Variants in ZSCAN25 observed in about 807,000 individuals in gnomAD.
The protein encoded by ZSCAN25 is zinc finger and SCAN domain containing 25, also known as zinc finger and SCAN domain-containing protein 25.
A neutral mutation model predicts 38.7 loss-of-function variants in ZSCAN25; 27 were observed. The ratio of observed to expected loss-of-function variants is 0.70; its 90% confidence interval spans 0.51 to 0.96. The LOEUF is 0.96. ZSCAN25 is among the 40% of genes least tolerant of loss of function. ZSCAN25 has a pLI of 0.00. For synonymous variants in ZSCAN25, 273 were observed against 277.7 expected (o/e 0.98, Z 0.17); for missense variants, 637 against 705.9 (o/e 0.90, Z 1.11).
chr7:99,722,494 G>A, the ZSCAN25 span: 627 of 1,011,100 alleles, frequency 6.2e-4, 16 homozygotes, highest in South Asian at 9.7e-3. Context: ...ATAAGAGAAA[G>A]GAAACAAAAT....
Position 99,630,908 on chromosome 7 carries a change from T to C in ZSCAN25, c.*888T>C, listed in dbSNP as rs1807950341. Reference sequence around the variant, plus strand: ...ATTAAAATGAGTCTGAAAGATGAACTCTAGTATTAATGCCCTATATTTGAT... The same window carrying C: ...ATTAAAATGAGTCTGAAAGATGAACCCTAGTATTAATGCCCTATATTTGAT... On this transcript the variant is annotated 3_prime_UTR_variant, in exon 8 of 8. Coordinates refer to ENST00000394152, the MANE Select transcript of ZSCAN25 (RefSeq NM_145115.3). 1 of 979,646 alleles carries C rather than the reference T, an allele frequency of 1.0e-6. No homozygotes were observed. The highest frequency in any genetic ancestry group is 1.8e-5 in the African/African-American group (1 of 57,122). The allele number at this position is 979,646 out of a possible 1,614,324, so 60.7% of individuals were successfully genotyped here. A position where few individuals can be genotyped will look rare whatever the true frequency, so the allele number is the denominator to read the frequency against.
the ZSCAN25 span, among the ~76,000 whole-genome samples, chr7:99,688,951 G>T: frequency 2.0e-5 from 3 of 152,158 alleles, no homozygotes; most frequent in African/African-American, 7.2e-5. Flanking sequence ...CAGAAATAAA[G>T]ATGTTCTTTG....
chr7:99,725,165 G>A, the ZSCAN25 span, among the ~76,000 whole-genome samples: 3 of 152,140 alleles, frequency 2.0e-5, no homozygotes, highest in Non-Finnish European at 4.4e-5. Flanking sequence ...CCAAGGTAAA[G>A]ATGAAAACCC....
the ZSCAN25 span, chr7:99,715,504 G>A: frequency 1.9e-6 from 1 of 518,086 alleles, no homozygotes; most frequent in African/African-American, 1.9e-5. Flanking sequence ...ATCTATAGAT[G>A]CAGAAAGTTG....
chr7:99,712,165 G>A, the ZSCAN25 span, among the ~76,000 whole-genome samples: 1 of 152,058 alleles, frequency 6.6e-6, no homozygotes. Context: ...TTTAGAGACC[G>A]GGAACACAGA....
At chr7:99,653,959 G>A in the ZSCAN25 span, among the ~76,000 whole-genome samples, 6 of 152,252 alleles carry the variant, frequency 3.9e-5, no homozygotes, top group African/African-American at 1.4e-4. The surrounding 1 kb of genome is among the most constrained non-coding windows in gnomAD (Gnocchi z 4.2). Flanking sequence ...CCTCCATCGC[G>A]CCCCCAGGGC....
At chr7:99,660,308 C>A in the ZSCAN25 span, 1 of 1,110,694 alleles carries the variant, frequency 9.0e-7, no homozygotes, top group Non-Finnish European at 1.1e-6. Context: ...GTACAAAGAT[C>A]TTATGCTTCT....
the ZSCAN25 span, chr7:99,672,468 G>A: frequency 2.2e-6 from 2 of 903,202 alleles, no homozygotes; most frequent in Admixed American, 3.7e-5. Context: ...AGAGTACATG[G>A]AACCTTCCTG....
chr7:99,724,483 CTCTT>C, the ZSCAN25 span, among the ~76,000 whole-genome samples: 2 of 152,164 alleles, frequency 1.3e-5, no homozygotes, highest in Non-Finnish European at 2.9e-5. Context: ...TCTCTCCTGT[CTCTT>C]TCTTCAGTCT....
chr7:99,648,504 TA>T, the ZSCAN25 span: 1 of 513,058 alleles, frequency 1.9e-6, no homozygotes, highest in South Asian at 1.9e-5. Context: ...TGCAAGCATA[TA>T]AAAACGACTC....
chr7:99,648,508 A>AAC, the ZSCAN25 span: 10 of 445,114 alleles, frequency 2.2e-5, no homozygotes, highest in Admixed American at 3.2e-5. Flanking sequence ...AGCATATAAA[A>AAC]ACGACTCTTA....
At chr7:99,666,944 T>G in the ZSCAN25 span, 1 of 1,612,852 alleles carries the variant, frequency 6.2e-7, no homozygotes, top group South Asian at 1.1e-5. Flanking sequence ...CTCATCTTAT[T>G]TTCATACCTC....
chr7:99,640,788 A>G, the ZSCAN25 span, among the ~76,000 whole-genome samples: 1 of 152,242 alleles, frequency 6.6e-6, no homozygotes, highest in African/African-American at 2.4e-5. Context: ...CCGGGAAAAC[A>G]GGCAATATTC....
At chr7:99,636,474 C>A (rs958329457), downstream of ZSCAN25, among the ~76,000 whole-genome samples, 8 of 152,174 alleles carry the variant, frequency 5.3e-5, no homozygotes, top group African/African-American at 1.7e-4. Flanking sequence ...ACTTCTCATA[C>A]GTCTTTGGTA....
At chr7:99,680,510 T>C in the ZSCAN25 span, among the ~76,000 whole-genome samples, 1 of 152,194 alleles carries the variant, frequency 6.6e-6, no homozygotes. Context: ...ATTGTAAGTT[T>C]CTATGCCTGT....
At chr7:99,737,658 T>G in the ZSCAN25 span, among the ~76,000 whole-genome samples, 1 of 152,232 alleles carries the variant, frequency 6.6e-6, no homozygotes, top group Admixed American at 6.5e-5. Context: ...TTTTCTTCTT[T>G]CCTCTAAAAC....
At chr7:99,680,446 G>A in the ZSCAN25 span, among the ~76,000 whole-genome samples, 1 of 151,942 alleles carries the variant, frequency 6.6e-6, no homozygotes, top group African/African-American at 2.4e-5. Context: ...TCCTCCTCTG[G>A]GTGCCTCCTA....
Position 99,619,925 on chromosome 7 carries a change from C to T in ZSCAN25, c.319C>T (p.Pro107Ser). 7 of 1,614,202 alleles carry T rather than the reference C, an allele frequency of 4.3e-6. No homozygotes were observed. Among genetic ancestry groups the T allele is most frequent in the Admixed American group, 1.7e-5 (1 of 60,030 alleles). ...CTACGCCTGGATCCGGGAGCATGGC[C>T]CAGAGAGTGGCAAGGCCCTGGCCGC... ...EFYAWIREHG[P>S]ESGKALAAMV... Residue 107 changes from proline (P) to serine (S), a missense_variant, in exon 4 of 8, where the codon CCA becomes TCA. By Grantham distance (74) the Pro-to-Ser change is moderately conservative. Transcript: ENST00000394152.
chr7:99,704,820 G>A, the ZSCAN25 span, among the ~76,000 whole-genome samples: 1 of 152,110 alleles, frequency 6.6e-6, no homozygotes, highest in African/African-American at 2.4e-5. Context: ...AAATTAGCCG[G>A]GCGTGGTGGC....
Sources: gnomAD v4.1 joint callset for allele counts (sites outside exome capture counted in the v4.1 genomes callset) on GRCh38, gnomAD v4.1.1 for gene constraint, Gnocchi (gnomAD v3.1) non-coding constraint, MANE v1.5 for transcripts, NCBI Gene and HGNC (gene_info 2026-07-23, HGNC 2026-07-21) for gene names.